Variants in OGG1 observed in about 807,000 individuals in gnomAD.
OGG1 encodes the protein 8-oxoguanine DNA glycosylase, also known as N-glycosylase/DNA lyase.
Under a neutral mutation model 42.3 loss-of-function variants are expected in OGG1, and 35 were observed. The observed-to-expected ratio is 0.83, with a 90% CI of 0.63 to 1.10. The LOEUF is 1.10. Ranked by LOEUF, OGG1 falls within the 50% of genes least tolerant of loss-of-function variation. OGG1 has a pLI of 0.00. For missense variants in OGG1, 484 were observed against 446.7 expected, an observed-to-expected ratio of 1.08 and a Z score of -0.75; for synonymous variants, 189 against 179.0, an observed-to-expected ratio of 1.06 and a Z score of -0.44.
At chr3:9,762,902 C>T (rs368338181) in intron 7 of OGG1, 3 of 1,613,892 alleles carry the variant, frequency 1.9e-6, no homozygotes, top group Non-Finnish European at 1.7e-6. Flanking sequence ...ACCACACCCC[C>T]TTGAGCCCCA....
At chr3:9,759,790 G>C, downstream of OGG1, 1 of 1,614,006 alleles carries the variant, frequency 6.2e-7, no homozygotes, top group Non-Finnish European at 8.5e-7. Context: ...TGACAGCATG[G>C]TACTGCCTGT....
At chr3:9,778,806 G>T (rs1042014593) in intron 2 of OGG1, among the ~76,000 whole-genome samples, 2 of 152,182 alleles carry the variant, frequency 1.3e-5, no homozygotes, top group African/African-American at 4.8e-5. Context: ...GGTCATGTGT[G>T]CACCCTAGTT....
rs769793783 is a variant in OGG1 at position 9,787,765 on chromosome 3, G to A, written c.*34G>A. The A allele has an allele frequency of 8.1e-6, 10 of 1,234,088 alleles. No homozygotes were observed. The South Asian group carries it at 1.1e-4, about 14-fold the overall frequency. The allele number at this position is 1,234,088 out of a possible 1,614,324, so 76.4% of individuals were successfully genotyped here. A position where few individuals can be genotyped will look rare whatever the true frequency, so the allele number is the denominator to read the frequency against. ...GAAATCAGATAAGTGAAGTGAAAGA[G>A]AGAGATCAAAGTGTTGTGGCAGCAC... On this transcript the variant is annotated 3_prime_UTR_variant, in exon 4 of 4. Transcript: ENST00000426518.
downstream of OGG1, chr3:9,761,596 C>G: frequency 1.2e-6 from 2 of 1,613,670 alleles, no homozygotes; most frequent in Non-Finnish European, 1.7e-6. Flanking sequence ...CTGGTTCCCC[C>G]CACCATCACA....
rs201065983 is a variant in OGG1 at position 9,781,344 on chromosome 3, CTCTG to C, written c.295-165_295-162del. 9.8e-3 allele frequency among the ~76,000 whole-genome samples: 1,485 copies of C among 152,192 alleles called. 16 individuals are homozygous for C. The highest frequency in any genetic ancestry group is 0.011 in the Non-Finnish European group (721 of 68,000). Reference sequence around the variant, plus strand: ...ACACACAGGCACACCCACTCTCTCTCTCTGTCTTTCAGTTAATCCTAACAACCCT... The same window carrying C: ...ACACACAGGCACACCCACTCTCTCTCTCTTTCAGTTAATCCTAACAACCCT... On this transcript the variant is annotated intron_variant, in intron 2 of 3. Coordinates refer to the OGG1 transcript ENST00000426518.
At chr3:9,761,791 A>G, downstream of OGG1, 1 of 1,612,170 alleles carries the variant, frequency 6.2e-7, no homozygotes, top group South Asian at 1.1e-5. Flanking sequence ...AGGGGCAATC[A>G]GAGATGGTTA....
intron 2 of OGG1, among the ~76,000 whole-genome samples, chr3:9,774,350 A>G (rs12497775): frequency 0.44 from 64,979 of 148,286 alleles, 15,162 homozygotes; most frequent in Middle Eastern, 0.53. Flanking sequence ...CGGAGACTGC[A>G]TTGAGCTGAG....
intron 3 of OGG1, chr3:9,785,197 A>C: frequency 2.9e-6 from 2 of 697,470 alleles, no homozygotes; most frequent in Non-Finnish European, 5.0e-6. Flanking sequence ...TGAGACTGCT[A>C]TTAGGCTTCA....
At chr3:9,766,457 C>T in exon 8 of OGG1, 1 of 416,808 alleles carries the variant, frequency 2.4e-6, no homozygotes, top group African/African-American at 2.0e-5. Flanking sequence ...AATGCAAAAT[C>T]TCTACTGCTT....
At chr3:9,783,881 G>T in intron 3 of OGG1, 1 of 1,366,600 alleles carries the variant, frequency 7.3e-7, no homozygotes. Context: ...CCGGTGGACT[G>T]GCCACTGCTG....
At chr3:9,781,446 A>T (rs1203846687) in intron 2 of OGG1, 5 of 443,622 alleles carry the variant, frequency 1.1e-5, no homozygotes, top group South Asian at 7.8e-5. Flanking sequence ...AGGATCCCAC[A>T]GTTAGTGAGG....
downstream of OGG1, among the ~76,000 whole-genome samples, chr3:9,769,104 C>G (rs1432504437): frequency 1.3e-5 from 2 of 152,082 alleles, no homozygotes; most frequent in African/African-American, 4.8e-5. Context: ...TCCCAGACAT[C>G]AGCACACATG....
intron 1 of OGG1, 111 bp from the exon 2 acceptor site, chr3:9,750,834 C>T (rs1030724478): frequency 1.6e-6 from 2 of 1,276,806 alleles, no homozygotes; most frequent in South Asian, 2.5e-5. Flanking sequence ...TGGAAGATAG[C>T]ACTGTTACTT....
At position 9,756,830 on chromosome 3, in the gene OGG1, G is replaced by A; in HGVS notation, c.948+14G>A. 2.5e-6 allele frequency: 4 copies of A among 1,613,568 alleles called. No individual in the cohort carries two copies. Among genetic ancestry groups the A allele is most frequent in the Non-Finnish European group, 3.4e-6 (4 of 1,179,932 alleles). Reference sequence around the variant, plus strand: ...TGGGCCCAAGCGGTGAGTGTACCTAGGTGTCCTCCCTAGGTTTCCTCTCCT... The same window carrying A: ...TGGGCCCAAGCGGTGAGTGTACCTAAGTGTCCTCCCTAGGTTTCCTCTCCT... On this transcript the variant is annotated intron_variant, in intron 6 of 6. Coordinates refer to ENST00000344629, the MANE Select transcript of OGG1 (RefSeq NM_002542.6).
At chr3:9,783,981 C>A in intron 3 of OGG1, 1 of 1,570,852 alleles carries the variant, frequency 6.4e-7, no homozygotes, top group African/African-American at 1.4e-5. Flanking sequence ...GCCGTGGCCA[C>A]AGCCTCCAAG....
At chr3:9,785,364 CCT>C (rs1342617130) in intron 3 of OGG1, 38 of 1,613,918 alleles carry the variant, frequency 2.4e-5, no homozygotes, top group East Asian at 4.5e-5. Context: ...CCCGTCAGCC[CCT>C]GATTCTTTCC....
intron 3 of OGG1, chr3:9,783,763 G>A (rs1407455526): frequency 4.5e-6 from 2 of 445,506 alleles, no homozygotes; most frequent in Non-Finnish European, 7.5e-6. Flanking sequence ...GGGTGACAGT[G>A]CGAGACTCCC....
exon 4 of OGG1, chr3:9,787,763 G>T (rs183671734): frequency 5.3e-5 from 65 of 1,236,506 alleles, no homozygotes; most frequent in Non-Finnish European, 1.7e-5. Context: ...TGAAGTGAAA[G>T]AGAGAGATCA....
At chr3:9,765,986 A>C in exon 8 of OGG1, 1 of 1,614,110 alleles carries the variant, frequency 6.2e-7, no homozygotes, top group Non-Finnish European at 8.5e-7. Flanking sequence ...CCACTGCTGG[A>C]CCAAGGACGT....
Sources: gnomAD v4.1 joint callset for allele counts (sites outside exome capture counted in the v4.1 genomes callset) on GRCh38, gnomAD v4.1.1 for gene constraint, MANE v1.5 for transcripts, NCBI Gene and HGNC (gene_info 2026-07-23, HGNC 2026-07-21) for gene names.